The following SCN9A variants were observed in gnomAD, a reference collection of about 807,000 sequenced individuals.
SCN9A encodes the protein sodium voltage-gated channel alpha subunit 9.
A neutral mutation model predicts 187.0 loss-of-function variants in SCN9A; 131 were observed. The observed-to-expected ratio is 0.70, with a 90% CI of 0.61 to 0.81. The LOEUF (loss-of-function observed/expected upper bound fraction) is 0.81, where lower values mean the gene tolerates loss of function less well. Among genes scored for constraint, SCN9A ranks in the 30% least tolerant of loss-of-function variants. The pLI, the probability that SCN9A is intolerant of heterozygous loss-of-function variation, is 0.00. For missense variants in SCN9A, 2,252 were observed against 2,396.6 expected (o/e 0.94, Z 1.26); for synonymous variants, 809 against 808.6 (o/e 1.00, Z -0.01).
intron 1 of SCN9A, among the ~76,000 whole-genome samples, chr2:166,349,997 T>TA (rs150785198): frequency 2.3e-4 from 35 of 149,628 alleles, no homozygotes; most frequent in East Asian, 9.8e-4. Flanking sequence ...AAATAAAAAA[T>TA]AAAAAATAAA....
At chr2:166,326,722 T>C (rs1358905832) in intron 1 of SCN9A, among the ~76,000 whole-genome samples, 1 of 152,210 alleles carries the variant, frequency 6.6e-6, no homozygotes, top group Non-Finnish European at 1.5e-5. Context: ...CATATTAGAC[T>C]AACCATCCTA....
intron 24 of SCN9A, among the ~76,000 whole-genome samples, chr2:166,217,566 T>C (rs1343812840): frequency 6.6e-6 from 1 of 152,038 alleles, no homozygotes; most frequent in Non-Finnish European, 1.5e-5. Flanking sequence ...TGAACAGACA[T>C]TTCTCAAAAG....
chr2:166,235,365 C>T (rs1012260359), intron 20 of SCN9A, among the ~76,000 whole-genome samples: 3 of 151,994 alleles, frequency 2.0e-5, no homozygotes, highest in Admixed American at 1.3e-4. Flanking sequence ...TACAAATATA[C>T]GCCTGTACTG....
At position 166,267,605 on chromosome 2, in the gene SCN9A, T is replaced by C. The variant is rs77733596; in HGVS notation, c.3351+4794A>G. ...TTTAGAAGAATTCCTTTCCTTTTGA[T>C]TTTTTTGGAATAATTTAAGAAGAAT... is the stretch of plus-strand genomic sequence containing the variant. On this transcript the variant is annotated intron_variant, in intron 17 of 26. Transcript: ENST00000642356. Among the ~76,000 whole-genome samples, 26 of 152,004 alleles carry C rather than the reference T, an allele frequency of 1.7e-4. No individual in the cohort carries two copies. In the East Asian group the frequency reaches 2.7e-3, roughly 16 times the overall value.
rs559008851 is a variant in SCN9A at position 166,347,108 on chromosome 2, A to T, written c.-51+28589T>A. On this transcript the variant is annotated intron_variant, in intron 1 of 26. Coordinates refer to ENST00000642356, the MANE Select transcript of SCN9A (RefSeq NM_001365536.1). ...TAGTTATTACAGTGATGCTGAACTA[A>T]TAAGAATGGTGTTTAGAGAGAACAT... Among the ~76,000 whole-genome samples the T allele has an allele frequency of 5.3e-5, 8 of 152,332 alleles. 1 individual carries two copies. The highest frequency in any genetic ancestry group is 1.9e-4 in the African/African-American group (8 of 41,580).
intron 2 of SCN9A, among the ~76,000 whole-genome samples, chr2:166,310,591 G>A (rs1698910267): frequency 9.9e-6 from 1 of 100,706 alleles, no homozygotes. Context: ...TCATTAAAAA[G>A]TCAGGAAACA....
intron 5 of SCN9A, among the ~76,000 whole-genome samples, chr2:166,304,697 TA>T (rs1345662087): frequency 1.3e-5 from 2 of 151,952 alleles, no homozygotes; most frequent in East Asian, 1.9e-4. Flanking sequence ...TTTCCATTCA[TA>T]AAAAAATCCA....
rs1280567502 is a variant in SCN9A, at chr2:166,276,317, GCA to G, written c.2874+664_2874+665del. The G allele has an allele frequency of 2.0e-5, 3 of 152,192 alleles. No individual in the cohort carries two copies. The East Asian group carries it at 5.8e-4, about 29-fold the overall frequency. 9.4% of individuals were successfully genotyped at this position (152,192 alleles called of 1,614,324 possible). On this transcript the variant is annotated intron_variant, in intron 16 of 26. Coordinates refer to ENST00000642356, the MANE Select transcript of SCN9A (RefSeq NM_001365536.1). The stretch of plus-strand genomic sequence containing the variant: ...CTTTATTGGGCATACGATTTCTATG[GCA>G]GCTATTCACCTCTGCCACTGTAATG...
rs770635284 is a variant in SCN9A, at chr2:166,281,827, A to T, written c.1975-19T>A. 5 of 1,600,714 alleles carry T rather than the reference A, an allele frequency of 3.1e-6. No individual in the cohort carries two copies. The South Asian group carries it at 4.5e-5, about 14-fold the overall frequency. On this transcript the variant is annotated intron_variant, in intron 12 of 26. Coordinates refer to ENST00000642356, the MANE Select transcript of SCN9A (RefSeq NM_001365536.1). Reference sequence around the variant, plus strand: ...TCGTGCCCTAAAAAAAAAATCAATTAATGTCTTAAGAACAGAATCCTAATA... The same window carrying T: ...TCGTGCCCTAAAAAAAAAATCAATTTATGTCTTAAGAACAGAATCCTAATA...
At chr2:166,201,246 T>A (rs951411742) in intron 26 of SCN9A, among the ~76,000 whole-genome samples, 1 of 147,938 alleles carries the variant, frequency 6.8e-6, no homozygotes, top group Non-Finnish European at 1.5e-5. Flanking sequence ...ATACAGTATA[T>A]AGTATACATA....
chr2:166,305,976 A>G (rs1698742809), intron 4 of SCN9A, 56 bp from the exon 5 acceptor site: 1 of 1,592,342 alleles, frequency 6.3e-7, no homozygotes, highest in African/African-American at 1.4e-5. Context: ...ACCACCATGT[A>G]AATCTTTATA....
chr2:166,259,887 C>T (rs1696433893), intron 17 of SCN9A, among the ~76,000 whole-genome samples: 1 of 151,218 alleles, frequency 6.6e-6, no homozygotes, highest in African/African-American at 2.4e-5. Flanking sequence ...TTGGAAACAA[C>T]CTGAAAAAAA....
intron 18 of SCN9A, among the ~76,000 whole-genome samples, chr2:166,246,711 G>T (rs1462873555): frequency 2.0e-5 from 3 of 152,006 alleles, no homozygotes; most frequent in African/African-American, 7.2e-5. Flanking sequence ...AGAAGATTTT[G>T]CTCTCTGGGA....
intron 1 of SCN9A, among the ~76,000 whole-genome samples, chr2:166,315,174 C>T (rs1312679750): frequency 5.3e-5 from 8 of 152,138 alleles, no homozygotes; most frequent in Admixed American, 5.2e-4. Flanking sequence ...TAACTTGCCT[C>T]ACTAGACTTT....
intron 17 of SCN9A, among the ~76,000 whole-genome samples, chr2:166,270,290 AC>A (rs200463461): frequency 0.014 from 2,108 of 152,204 alleles, 22 homozygotes; most frequent in Non-Finnish European, 0.019. Flanking sequence ...TCAGTGATTT[AC>A]TTTTACATTA....
intron 24 of SCN9A, among the ~76,000 whole-genome samples, chr2:166,217,500 C>G (rs1694387949): frequency 6.6e-6 from 1 of 151,934 alleles, no homozygotes; most frequent in Non-Finnish European, 1.5e-5. Flanking sequence ...ATAAAAAGCT[C>G]AAGCAACTCA....
rs1407642450 is a variant in SCN9A, at chr2:166,220,628, T to TGG, written c.4398+5938_4398+5939insCC. On this transcript the variant is annotated intron_variant, in intron 24 of 26. Transcript: ENST00000642356. ...AAATTACCCAGTCTGTGGTATTCTG[T>TGG]TATAGTAGCACAAATGGATGAGAAC... 2.6e-5 allele frequency among the ~76,000 whole-genome samples: 4 copies of TGG among 152,302 alleles called. No homozygotes were observed. The East Asian group carries it at 7.7e-4, about 29-fold the overall frequency.
intron 1 of SCN9A, among the ~76,000 whole-genome samples, chr2:166,346,382 A>C (rs530218681): frequency 6.6e-6 from 1 of 152,270 alleles, no homozygotes; most frequent in East Asian, 1.9e-4. Context: ...CTTGTCTTGG[A>C]AAAGCCTGAA....
intron 20 of SCN9A, among the ~76,000 whole-genome samples, chr2:166,237,458 C>T (rs1377797435): frequency 6.6e-6 from 1 of 152,004 alleles, no homozygotes; most frequent in African/African-American, 2.4e-5. Context: ...ATGCCTACTC[C>T]TCTGCCCCAC....
Sources: gnomAD v4.1 joint callset for allele counts (sites outside exome capture counted in the v4.1 genomes callset) on GRCh38, gnomAD v4.1.1 for gene constraint, MANE v1.5 for transcripts, NCBI Gene and HGNC (gene_info 2026-07-23, HGNC 2026-07-21) for gene names.